Variants in NFIB observed in about 807,000 individuals in gnomAD.
The protein encoded by NFIB is nuclear factor I B.
Under a neutral mutation model 61.5 loss-of-function variants are expected in NFIB, and 11 were observed. That is an observed-to-expected ratio of 0.18 (90% CI 0.11 to 0.30). The LOEUF (loss-of-function observed/expected upper bound fraction) is 0.30. Among genes scored for constraint, NFIB ranks in the 10% least tolerant of loss-of-function variants. The pLI is 1.00. For missense variants in NFIB, 471 were observed against 608.9 expected (o/e 0.77, Z 2.38); for synonymous variants, 260 against 216.5 (o/e 1.20, Z -1.76).
the NFIB span, among the ~76,000 whole-genome samples, chr9:14,487,611 GA>G: frequency 0.21 from 32,150 of 151,988 alleles, 5,834 homozygotes; most frequent in African/African-American, 0.5. Context: ...ACTGAAAACA[GA>G]AAAATCAAAG....
intron 2 of NFIB, among the ~76,000 whole-genome samples, chr9:14,212,356 T>C (rs1026189777): frequency 1.3e-5 from 2 of 152,236 alleles, no homozygotes; most frequent in Admixed American, 1.3e-4. Context: ...GTTATACAAA[T>C]GATTATATAC....
At chr9:14,372,919 G>C (rs942137858) in intron 1 of NFIB, among the ~76,000 whole-genome samples, 4 of 150,584 alleles carry the variant, frequency 2.7e-5, no homozygotes, top group African/African-American at 9.8e-5. Context: ...ACAAAACAAA[G>C]AAATGCTTTC....
chr9:14,225,456 C>CAAAAAAAAAA lies in NFIB; in HGVS notation c.563-45686_563-45677dup, dbSNP rs1228589594. 4.8e-3 allele frequency among the ~76,000 whole-genome samples: 277 copies of CAAAAAAAAAA among 57,978 alleles called. 13 individuals carry two copies. Among genetic ancestry groups the CAAAAAAAAAA allele is most frequent in the East Asian group, 0.014 (24 of 1,700 alleles). The allele number at this position is 57,978 out of a possible 152,430, so 38.0% of individuals were successfully genotyped here. ...TGGGCGACAGAGCGAGACTCCGTCT[C>CAAAAAAAAAA]AAAAAAAAAAAAAAAAAAAAAAAAG... On this transcript the variant is annotated intron_variant, in intron 2 of 10. Transcript: ENST00000380953.
the NFIB span, among the ~76,000 whole-genome samples, chr9:14,458,983 C>T: frequency 9.4e-4 from 143 of 152,146 alleles, 1 homozygote; most frequent in African/African-American, 2.7e-3. Flanking sequence ...CATCGAGCTA[C>T]GATGACTTTC....
chr9:14,166,020 A>C (rs1291437699), intron 3 of NFIB, among the ~76,000 whole-genome samples: 1 of 152,194 alleles, frequency 6.6e-6, no homozygotes. Context: ...ATTTCACTAA[A>C]ATTTAAAAAT....
intron 10 of NFIB, among the ~76,000 whole-genome samples, chr9:14,112,315 G>C (rs900254120): frequency 6.6e-6 from 1 of 152,162 alleles, no homozygotes; most frequent in Admixed American, 6.5e-5. Flanking sequence ...GACTGTGGCT[G>C]ATCTGTTTAT....
intron 2 of NFIB, among the ~76,000 whole-genome samples, chr9:14,205,265 A>G (rs144280630): frequency 9.5e-5 from 1 of 10,520 alleles, no homozygotes; most frequent in African/African-American, 2.9e-4. Context: ...GGGGGAGGGA[A>G]AGCAGGGTGG....
chr9:14,140,546 T>C (rs1031144105), intron 6 of NFIB, among the ~76,000 whole-genome samples: 1 of 152,206 alleles, frequency 6.6e-6, no homozygotes, highest in Non-Finnish European at 1.5e-5. Context: ...TGAATGAAAA[T>C]AGTTGAAATT....
the NFIB span, among the ~76,000 whole-genome samples, chr9:14,508,641 T>G: frequency 6.6e-6 from 1 of 152,332 alleles, no homozygotes; most frequent in African/African-American, 2.4e-5. Context: ...ACACTCAAGC[T>G]TGGAAGCAAG....
At chr9:14,165,717 CA>C (rs1207457321) in intron 3 of NFIB, among the ~76,000 whole-genome samples, 1 of 152,254 alleles carries the variant, frequency 6.6e-6, no homozygotes, top group East Asian at 1.9e-4. Flanking sequence ...CTCCTCTTTG[CA>C]GCCCTTAAAA....
At chr9:14,267,125 T>C (rs1195242776) in intron 2 of NFIB, among the ~76,000 whole-genome samples, 1 of 152,090 alleles carries the variant, frequency 6.6e-6, no homozygotes, top group East Asian at 1.9e-4. Context: ...AAAAGAAAAT[T>C]TGTTTCCTGG....
chr9:14,429,738 G>T, the NFIB span, among the ~76,000 whole-genome samples: 8 of 152,148 alleles, frequency 5.3e-5, no homozygotes, highest in Non-Finnish European at 1.2e-4. Flanking sequence ...CCTTAGGAGC[G>T]CCGCCTCCCC....
intron 2 of NFIB, among the ~76,000 whole-genome samples, chr9:14,249,550 T>C (rs1384057203): frequency 6.6e-6 from 1 of 152,172 alleles, no homozygotes; most frequent in Non-Finnish European, 1.5e-5. Context: ...GGGAAATTGT[T>C]TTCTCCCATT....
chr9:14,121,072 G>A (rs2038868967), intron 7 of NFIB, among the ~76,000 whole-genome samples: 1 of 152,196 alleles, frequency 6.6e-6, no homozygotes, highest in African/African-American at 2.4e-5. Flanking sequence ...AGACCAGCCT[G>A]GCTAACATGG....
intron 6 of NFIB, among the ~76,000 whole-genome samples, chr9:14,144,970 A>AT (rs1340094344): frequency 2.0e-5 from 3 of 152,162 alleles, no homozygotes; most frequent in African/African-American, 4.8e-5. Flanking sequence ...AAAGATTCCC[A>AT]TTTTTTCCTG....
chr9:14,430,725 G>A, the NFIB span, among the ~76,000 whole-genome samples: 3 of 152,106 alleles, frequency 2.0e-5, no homozygotes, highest in Admixed American at 6.6e-5. Flanking sequence ...GGGATGACAG[G>A]CACTCACCAT....
chr9:14,499,414 T>G, the NFIB span, among the ~76,000 whole-genome samples: 1 of 152,054 alleles, frequency 6.6e-6, no homozygotes. Flanking sequence ...GCGTCTCACA[T>G]GGTAACAGGT....
intron 2 of NFIB, among the ~76,000 whole-genome samples, chr9:14,242,836 G>A (rs1159035854): frequency 5.3e-5 from 8 of 152,142 alleles, no homozygotes; most frequent in Admixed American, 3.9e-4. Context: ...AGAAAGTTTG[G>A]AAAGAAAAAC....
the NFIB span, among the ~76,000 whole-genome samples, chr9:14,434,616 A>G: frequency 6.6e-6 from 1 of 152,362 alleles, no homozygotes; most frequent in East Asian, 1.9e-4. Flanking sequence ...CAGAATAGCT[A>G]TAGGCCTTAA....
Sources: allele counts gnomAD v4.1 joint callset (sites outside exome capture counted in the v4.1 genomes callset), GRCh38; gene constraint gnomAD v4.1.1; transcripts MANE v1.5; gene names NCBI Gene and HGNC (gene_info 2026-07-23, HGNC 2026-07-21).